Variants in LYPD6B observed in about 807,000 individuals in gnomAD.
LYPD6B encodes LY6/PLAUR domain containing 6B.
A neutral mutation model predicts 22.8 loss-of-function variants in LYPD6B; 17 were observed. The observed-to-expected ratio is 0.75, with a 90% CI of 0.51 to 1.12. The LOEUF (loss-of-function observed/expected upper bound fraction) is 1.12. LYPD6B is among the 50% of genes most tolerant of loss of function. The pLI is 0.00. For missense variants in LYPD6B, 221 were observed against 258.3 expected, an observed-to-expected ratio of 0.86 and a Z score of 0.99; for synonymous variants, 106 against 91.6, an observed-to-expected ratio of 1.16 and a Z score of -0.90.
intron 3 of LYPD6B, among the ~76,000 whole-genome samples, chr2:149,169,961 G>A (rs573189769): frequency 3.0e-4 from 46 of 152,302 alleles, no homozygotes; most frequent in South Asian, 1.7e-3. Flanking sequence ...CAGGCAATGG[G>A]AGTCTAGGGC....
intron 1 of LYPD6B, among the ~76,000 whole-genome samples, chr2:149,075,741 T>C (rs924032551): frequency 6.6e-5 from 10 of 152,234 alleles, no homozygotes; most frequent in Non-Finnish European, 1.5e-5. Flanking sequence ...ATGACAATCC[T>C]AGTTTTGTTT....
At chr2:149,070,795 A>G (rs1443546693) in intron 1 of LYPD6B, among the ~76,000 whole-genome samples, 3 of 152,206 alleles carry the variant, frequency 2.0e-5, no homozygotes, top group East Asian at 3.8e-4. Flanking sequence ...TCTGGTGTAT[A>G]GAGGCATGTT....
chr2:149,207,591 C>G (rs1178833005), intron 4 of LYPD6B, among the ~76,000 whole-genome samples: 1 of 151,712 alleles, frequency 6.6e-6, no homozygotes, highest in Non-Finnish European at 1.5e-5. Flanking sequence ...ATTCTTCTTT[C>G]CATAACAAAC....
At chr2:149,039,132 G>T (rs1346866071) in intron 1 of LYPD6B, among the ~76,000 whole-genome samples, 1 of 152,198 alleles carries the variant, frequency 6.6e-6, no homozygotes, top group Non-Finnish European at 1.5e-5. Flanking sequence ...GCAGAGCCGA[G>T]GGGAGAGGAG....
chr2:149,187,218 T>G (rs1234796437), intron 3 of LYPD6B, among the ~76,000 whole-genome samples: 1 of 152,204 alleles, frequency 6.6e-6, no homozygotes, highest in African/African-American at 2.4e-5. Flanking sequence ...CCTTTGAGTC[T>G]TGTTTTTTGA....
intron 1 of LYPD6B, among the ~76,000 whole-genome samples, chr2:149,065,843 G>C: frequency 6.6e-6 from 1 of 152,012 alleles, no homozygotes; most frequent in South Asian, 2.1e-4. Context: ...CAAGTAGCTG[G>C]GACTACAGGG....
chr2:149,211,655 G>A (rs577739063), intron 5 of LYPD6B, among the ~76,000 whole-genome samples: 4 of 151,804 alleles, frequency 2.6e-5, no homozygotes, highest in South Asian at 4.2e-4. Flanking sequence ...AAAAAAATGA[G>A]CTCAGAAGAT....
chr2:149,120,784 CTTTTTTTT>C (rs567231544), intron 1 of LYPD6B, among the ~76,000 whole-genome samples: 1 of 95,554 alleles, frequency 1.0e-5, no homozygotes, highest in Non-Finnish European at 1.9e-5. Context: ...GCTACAAAGT[CTTTTTTTT>C]TTTTTTTTTT....
At chr2:149,063,228 G>A (rs920897388) in intron 1 of LYPD6B, among the ~76,000 whole-genome samples, 32 of 152,084 alleles carry the variant, frequency 2.1e-4, no homozygotes, top group Non-Finnish European at 2.9e-5. Context: ...TAAACAATGA[G>A]TTTTACTTCT....
intron 1 of LYPD6B, among the ~76,000 whole-genome samples, chr2:149,116,585 C>G (rs1687016878): frequency 6.6e-6 from 1 of 152,136 alleles, no homozygotes; most frequent in African/African-American, 2.4e-5. Flanking sequence ...CTTTTCTCAT[C>G]CCCCCACACC....
intron 2 of LYPD6B, among the ~76,000 whole-genome samples, chr2:149,147,379 C>T (rs1335937219): frequency 6.6e-6 from 1 of 152,160 alleles, no homozygotes; most frequent in East Asian, 1.9e-4. Context: ...TTTTCTGCCT[C>T]TTGAAAAGCT....
intron 1 of LYPD6B, among the ~76,000 whole-genome samples, chr2:149,102,976 C>T (rs1686284551): frequency 6.6e-6 from 1 of 152,132 alleles, no homozygotes; most frequent in Non-Finnish European, 1.5e-5. Context: ...TTTATATGTC[C>T]CTCTGTGTCC....
intron 3 of LYPD6B, among the ~76,000 whole-genome samples, chr2:149,189,369 C>A (rs2377502): frequency 1.1e-5 from 1 of 91,632 alleles, no homozygotes; most frequent in Non-Finnish European, 2.1e-5. Context: ...TATATATATA[C>A]ACACACATAT....
At position 149,080,849 on chromosome 2, in the gene LYPD6B, A is replaced by G. The variant is rs1201928201; in HGVS notation, c.-67+42048A>G. On this transcript the variant is annotated intron_variant, in intron 1 of 6. Coordinates refer to ENST00000409642, the MANE Select transcript of LYPD6B (RefSeq NM_177964.5). Reference sequence around the variant, plus strand: ...AGAGCAAGACTCTATCTCAAAAAAAAAAAAAAAAAAAAAAAAAACCACACA... The same window carrying G: ...AGAGCAAGACTCTATCTCAAAAAAAGAAAAAAAAAAAAAAAAAACCACACA... Among the ~76,000 whole-genome samples, 9 of 131,666 alleles carry G rather than the reference A, an allele frequency of 6.8e-5. No individual in the cohort carries two copies. In the East Asian group the frequency reaches 1.8e-3, roughly 26 times the overall value. The allele number at this position is 131,666 out of a possible 152,430, so 86.4% of individuals were successfully genotyped here. A position where few individuals can be genotyped will look rare whatever the true frequency, so the allele number is the denominator to read the frequency against.
intron 1 of LYPD6B, among the ~76,000 whole-genome samples, chr2:149,095,255 C>T (rs1386647963): frequency 3.9e-5 from 6 of 152,058 alleles, no homozygotes; most frequent in African/African-American, 1.4e-4. Flanking sequence ...GAGATTGCGT[C>T]ATTGCACTCC....
intron 1 of LYPD6B, among the ~76,000 whole-genome samples, chr2:149,069,063 G>A (rs1568854): frequency 0.16 from 23,997 of 150,582 alleles, 2,022 homozygotes; most frequent in East Asian, 0.23. Flanking sequence ...CCCCCACCCC[G>A]AAGTTCTTTA....
intron 2 of LYPD6B, among the ~76,000 whole-genome samples, chr2:149,137,808 T>C (rs1307886112): frequency 6.6e-6 from 1 of 152,188 alleles, no homozygotes; most frequent in Non-Finnish European, 1.5e-5. Flanking sequence ...TTCATTATAA[T>C]AGATTGCTGG....
At chr2:149,197,704 T>G (rs1175093910) in intron 3 of LYPD6B, among the ~76,000 whole-genome samples, 1 of 152,172 alleles carries the variant, frequency 6.6e-6, no homozygotes, top group Non-Finnish European at 1.5e-5. Context: ...CTCCCCTGGC[T>G]TCTAGGAAGT....
intron 1 of LYPD6B, among the ~76,000 whole-genome samples, chr2:149,095,902 A>G (rs559557122): frequency 6.6e-6 from 1 of 152,222 alleles, no homozygotes; most frequent in African/African-American, 2.4e-5. Context: ...AGAGACACAC[A>G]GAGAAAGATG....
Sources: gnomAD v4.1 joint callset for allele counts (sites outside exome capture counted in the v4.1 genomes callset) on GRCh38, gnomAD v4.1.1 for gene constraint, MANE v1.5 for transcripts, NCBI Gene and HGNC (gene_info 2026-07-23, HGNC 2026-07-21) for gene names.